FARP1: variants seen among roughly 807,000 people sequenced by gnomAD.
FARP1 encodes FERM, ARH/RhoGEF and pleckstrin domain protein 1.
A neutral mutation model predicts 128.8 loss-of-function variants in FARP1; 52 were observed. That is an observed-to-expected ratio of 0.40 (90% confidence interval 0.32 to 0.51). The LOEUF (loss-of-function observed/expected upper bound fraction) is 0.51. Among genes scored for constraint, FARP1 ranks in the 20% least tolerant of loss-of-function variants. The pLI is 0.45. For missense variants in FARP1, 1,333 were observed against 1,367.9 expected (o/e 0.97, Z 0.40); for synonymous variants, 580 against 551.8 (o/e 1.05, Z -0.72).
At position 98,357,430 on chromosome 13, in the gene FARP1, G is replaced by A. The variant is rs1211322647; in HGVS notation, c.277-7965G>A. 3.3e-5 allele frequency among the ~76,000 whole-genome samples: 5 copies of A among 152,134 alleles called. No individual in the cohort carries two copies. The East Asian group carries it at 9.6e-4, about 29-fold the overall frequency. The stretch of plus-strand genomic sequence containing the variant: ...GCTGCTTAAAGTGTTCTACAGTTTT[G>A]TTGCTTTTTAAATTTTGTGTGTGTT... On this transcript the variant is annotated intron_variant, in intron 3 of 26. Coordinates refer to ENST00000319562, the MANE Select transcript of FARP1 (RefSeq NM_005766.4).
In FARP1 at chr13:98,440,686, C is replaced by A; in HGVS notation, c.2646C>A (p.Ala882=). The A allele has an allele frequency of 6.2e-7, 1 of 1,612,920 alleles. No individual in the cohort carries two copies. Among genetic ancestry groups the A allele is most frequent in the East Asian group, 2.2e-5 (1 of 44,872 alleles). The change falls in exon 24 of 27, where the codon GCC becomes GCA. Residue 882 remains alanine (A), a synonymous_variant. Coordinates refer to ENST00000319562, the MANE Select transcript of FARP1 (RefSeq NM_005766.4). ...SPPDNKSPDE[A]TAADQESEDD... ...ATCCTGTAGAGTCCCCTGATGAAGC[C>A]ACCGCGGCTGACCAGGAGTCAGAGG... is the stretch of plus-strand genomic sequence containing the variant.
In FARP1 at chr13:98,451,166, C is replaced by A. The variant is rs1893171780; in HGVS notation, c.*2849C>A. On this transcript the variant is annotated 3_prime_UTR_variant, in exon 27 of 27. Transcript: ENST00000319562. The stretch of plus-strand genomic sequence containing the variant: ...TGTCCATTTGTAAATCTGAAGAACT[C>A]TGTAAATCAGAAAAGCTGCTGTCCG... 1 of 152,136 alleles carries A rather than the reference C, an allele frequency of 6.6e-6. No homozygotes were observed. The highest frequency in any genetic ancestry group is 2.1e-4 in the South Asian group (1 of 4,828). The allele number at this position is 152,136 out of a possible 1,614,324, so 9.4% of individuals were successfully genotyped here.
intron 2 of FARP1, among the ~76,000 whole-genome samples, chr13:98,229,675 T>C (rs1881997206): frequency 7.4e-6 from 1 of 134,452 alleles, no homozygotes; most frequent in Admixed American, 7.4e-5. Flanking sequence ...GATTATTATA[T>C]ACTTTATTTC....
intron 2 of FARP1, among the ~76,000 whole-genome samples, chr13:98,277,683 A>G (rs1884725240): frequency 6.6e-6 from 1 of 152,138 alleles, no homozygotes; most frequent in Non-Finnish European, 1.5e-5. Flanking sequence ...CAGCCGAGTG[A>G]GTCTCAGTTC....
At chr13:98,146,342 C>T (rs1875559531) in intron 1 of FARP1, among the ~76,000 whole-genome samples, 2 of 152,172 alleles carry the variant, frequency 1.3e-5, no homozygotes, top group South Asian at 2.1e-4. Flanking sequence ...GATTCTCCTG[C>T]CTCAGCCTCC....
At chr13:98,278,397 G>C (rs1404409452) in intron 2 of FARP1, among the ~76,000 whole-genome samples, 1 of 152,082 alleles carries the variant, frequency 6.6e-6, no homozygotes, top group Non-Finnish European at 1.5e-5. Context: ...CGTTGCATAT[G>C]TGTGTGAGTG....
chr13:98,343,991 C>G (rs909013536), intron 3 of FARP1, 125 bp downstream of exon 3: 9 of 701,530 alleles, frequency 1.3e-5, no homozygotes, highest in Non-Finnish European at 2.3e-5. Context: ...TCTGTGAAGT[C>G]TTCAAATCTG....
intron 1 of FARP1, among the ~76,000 whole-genome samples, chr13:98,171,226 G>A (rs775763055): frequency 2.0e-5 from 3 of 152,170 alleles, no homozygotes; most frequent in Admixed American, 6.5e-5. Context: ...TGTGCCTGGC[G>A]TATGTGAGTT....
At chr13:98,301,432 G>A (rs576729532) in intron 2 of FARP1, among the ~76,000 whole-genome samples, 1 of 152,312 alleles carries the variant, frequency 6.6e-6, no homozygotes, top group African/African-American at 2.4e-5. Context: ...CTGAAGTCAA[G>A]CCTTCTGCGG....
chr13:98,257,800 C>T (rs1883681564), intron 2 of FARP1, among the ~76,000 whole-genome samples: 2 of 152,104 alleles, frequency 1.3e-5, no homozygotes, highest in South Asian at 4.2e-4. Flanking sequence ...GTAGGACCCT[C>T]ATTGATGTGT....
intron 2 of FARP1, among the ~76,000 whole-genome samples, chr13:98,306,736 C>G (rs1375192550): frequency 6.6e-6 from 1 of 151,962 alleles, no homozygotes; most frequent in Non-Finnish European, 1.5e-5. Flanking sequence ...GTTACCCAGG[C>G]TAGCCTCGAA....
intron 1 of FARP1, among the ~76,000 whole-genome samples, chr13:98,194,135 A>G (rs1032758963): frequency 1.1e-4 from 17 of 151,808 alleles, no homozygotes; most frequent in African/African-American, 2.9e-4. Flanking sequence ...TTATTTTTTG[A>G]GACGAAGTTT....
At chr13:98,179,730 G>A (rs559929081) in intron 1 of FARP1, among the ~76,000 whole-genome samples, 1 of 151,964 alleles carries the variant, frequency 6.6e-6, no homozygotes, top group Non-Finnish European at 1.5e-5. Context: ...GGTGGCGGGT[G>A]CCTGTAGCCC....
In FARP1 at chr13:98,360,424, G is replaced by C. The variant is rs7981827; in HGVS notation, c.277-4971G>C. Among the ~76,000 whole-genome samples the C allele has an allele frequency of 2.4e-3, 360 of 152,012 alleles. 5 individuals carry two copies. Among genetic ancestry groups the C allele is most frequent in the African/African-American group, 8.0e-3 (330 of 41,390 alleles). On this transcript the variant is annotated intron_variant, in intron 3 of 26. Transcript: ENST00000319562. The stretch of plus-strand genomic sequence containing the variant: ...GAAGAGGTGATTAAGTTAAAGCGAG[G>C]CCCTTGGTGTATGTAGGCCCTACTC...
chr13:98,285,493 C>G (rs2139642574), intron 2 of FARP1, among the ~76,000 whole-genome samples: 1 of 152,286 alleles, frequency 6.6e-6, no homozygotes, highest in East Asian at 1.9e-4. Context: ...AGCCAGGTGC[C>G]TGCTAGACAT....
rs139037623 is a variant in FARP1, at chr13:98,448,034, C to G, written c.3057-202C>G. On this transcript the variant is annotated intron_variant, in intron 26 of 26. Transcript: ENST00000319562. ...GCAGCAAGGTACTTCCAGCTCCACACTGAGTGAGTGCCCAGGCCAGTGGGT... is the reference window on the plus strand; with the variant it reads ...GCAGCAAGGTACTTCCAGCTCCACAGTGAGTGAGTGCCCAGGCCAGTGGGT... 1.2e-4 allele frequency: 70 copies of G among 599,576 alleles called. 2 individuals carry two copies. The East Asian group carries it at 1.4e-3, about 12-fold the overall frequency. The allele number at this position is 599,576 out of a possible 1,614,324, so 37.1% of individuals were successfully genotyped here. A position where few individuals can be genotyped will look rare whatever the true frequency, so the allele number is the denominator to read the frequency against.
chr13:98,393,598 C>CA (rs756837330), intron 11 of FARP1, 45 bp from the exon 12 acceptor site: 3 of 1,511,018 alleles, frequency 2.0e-6, no homozygotes, highest in Admixed American at 3.4e-5. Context: ...GAAAAAGAAA[C>CA]AAAAACCTCA....
Position 98,453,962 on chromosome 13 carries a change from G to A in FARP1, c.*5645G>A, listed in dbSNP as rs1370017431. On this transcript the variant is annotated 3_prime_UTR_variant, in exon 27 of 27. Coordinates refer to ENST00000319562, the MANE Select transcript of FARP1 (RefSeq NM_005766.4). ...CTTACCAGTGTGCAGCCCCAAATCC[G>A]AAATCTGACATGCCCCAGAGAGCAG... The A allele has an allele frequency of 1.3e-5, 2 of 152,126 alleles. No homozygotes were observed. Among genetic ancestry groups the A allele is most frequent in the African/African-American group, 2.4e-5 (1 of 41,420 alleles). 9.4% of individuals were successfully genotyped at this position (152,126 alleles called of 1,614,324 possible). A position where few individuals can be genotyped will look rare whatever the true frequency, so the allele number is the denominator to read the frequency against.
intron 2 of FARP1, among the ~76,000 whole-genome samples, chr13:98,263,082 C>T (rs925444243): frequency 5.3e-5 from 8 of 152,116 alleles, no homozygotes; most frequent in Non-Finnish European, 8.8e-5. Flanking sequence ...AATCTCGGCT[C>T]ACCGCAACCT....
Sources: allele counts gnomAD v4.1 joint callset (sites outside exome capture counted in the v4.1 genomes callset), GRCh38; gene constraint gnomAD v4.1.1; transcripts MANE v1.5; gene names NCBI Gene and HGNC (gene_info 2026-07-23, HGNC 2026-07-21).